The following ZPLD1 variants were observed in gnomAD, a reference collection of about 807,000 sequenced individuals.
ZPLD1 encodes the protein zona pellucida-like domain-containing protein 1.
In ZPLD1, 34 loss-of-function variants were observed where a neutral mutation model predicts 47.2. The observed-to-expected ratio is 0.72, with a 90% confidence interval of 0.55 to 0.96. ZPLD1 has a LOEUF of 0.96. Ranked by LOEUF, ZPLD1 falls within the 40% of genes least tolerant of loss-of-function variation. ZPLD1 has a pLI of 0.00. For synonymous variants in ZPLD1, 176 were observed against 186.2 expected (o/e 0.95, Z 0.45); for missense variants, 512 against 505.8 (o/e 1.01, Z -0.12).
chr3:102,437,945 A>G (rs1707116053), intron 2 of ZPLD1, among the ~76,000 whole-genome samples: 1 of 152,226 alleles, frequency 6.6e-6, no homozygotes, highest in Non-Finnish European at 1.5e-5. Context: ...TTGATTTTGA[A>G]AAGTTGCAGT....
chr3:102,417,009 T>A (rs1351631402), intron 7 of ZPLD1, among the ~76,000 whole-genome samples: 1 of 151,812 alleles, frequency 6.6e-6, no homozygotes, highest in African/African-American at 2.4e-5. Context: ...GTCCAGGGGG[T>A]TGACTAGAAA....
At chr3:102,441,039 G>GCTAA (rs1382868679) in intron 3 of ZPLD1, among the ~76,000 whole-genome samples, 3 of 152,160 alleles carry the variant, frequency 2.0e-5, no homozygotes, top group Admixed American at 2.0e-4. Context: ...GATGCTAATT[G>GCTAA]TGTTCAGTCC....
intron 8 of ZPLD1, among the ~76,000 whole-genome samples, chr3:102,429,891 G>A (rs560638375): frequency 9.9e-5 from 15 of 152,276 alleles, no homozygotes; most frequent in African/African-American, 3.6e-4. Context: ...TATAGTCCTA[G>A]TTTCTGAGAA....
At chr3:102,443,593 C>T (rs1293976768) in intron 3 of ZPLD1, among the ~76,000 whole-genome samples, 2 of 152,012 alleles carry the variant, frequency 1.3e-5, no homozygotes, top group Non-Finnish European at 2.9e-5. Context: ...CTTTTCAAGA[C>T]CTGCTTGACT....
chr3:102,456,483 T>C, intron 5 of ZPLD1, 109 bp downstream of exon 5: 1 of 946,332 alleles, frequency 1.1e-6, no homozygotes, highest in Non-Finnish European at 1.6e-6. Flanking sequence ...ATAGTTAAAT[T>C]CAAACAATGT....
intron 6 of ZPLD1, among the ~76,000 whole-genome samples, chr3:102,389,217 C>T (rs1399690538): frequency 6.6e-6 from 1 of 152,176 alleles, no homozygotes; most frequent in East Asian, 1.9e-4. Context: ...AGTGCTACTA[C>T]TTGTTTCAAC....
At chr3:102,465,302 GAGTCCATAC>G (rs1707573694) in intron 8 of ZPLD1, among the ~76,000 whole-genome samples, 1 of 152,146 alleles carries the variant, frequency 6.6e-6, no homozygotes, top group Non-Finnish European at 1.5e-5. Flanking sequence ...AGTAAGTTGA[GAGTCCATAC>G]AGGCACTACA....
At chr3:102,461,766 C>T (rs1383928967) in intron 6 of ZPLD1, among the ~76,000 whole-genome samples, 4 of 151,930 alleles carry the variant, frequency 2.6e-5, no homozygotes, top group African/African-American at 9.7e-5. Flanking sequence ...AATGGTCTTA[C>T]TTTGGTTTTC....
chr3:102,397,036 A>G (rs1215932801), intron 7 of ZPLD1, among the ~76,000 whole-genome samples: 1 of 152,132 alleles, frequency 6.6e-6, no homozygotes, highest in Non-Finnish European at 1.5e-5. Context: ...CAGGCACACA[A>G]TAAATTCTAC....
At chr3:102,388,081 C>T (rs1001172875) in intron 6 of ZPLD1, among the ~76,000 whole-genome samples, 4 of 151,902 alleles carry the variant, frequency 2.6e-5, no homozygotes, top group African/African-American at 7.3e-5. Context: ...AGGATGGTCT[C>T]GATTTCCTGA....
At position 102,392,583 on chromosome 3, in the gene ZPLD1, CCTTCTTT is replaced by C. The variant is rs372903581; in HGVS notation, c.-157+365_-157+371del. ...CCTTCCTCCTTCCTCCTTCCCCCTT[CCTTCTTT>C]CTTCTTCTTCTGCCATCAGTTCCCC... On this transcript the variant is annotated intron_variant, in intron 7 of 17. Coordinates refer to the ZPLD1 transcript ENST00000491959. Among the ~76,000 whole-genome samples the C allele has an allele frequency of 6.4e-3, 963 of 149,854 alleles. 14 individuals are homozygous for C. Among genetic ancestry groups the C allele is most frequent in the African/African-American group, 0.022 (913 of 40,794 alleles).
chr3:102,438,392 G>C, intron 2 of ZPLD1, 88 bp from the exon 3 acceptor site: 1 of 871,842 alleles, frequency 1.1e-6, no homozygotes. Context: ...TTATCCAACA[G>C]TGAGCTGAGA....
At chr3:102,445,590 C>T (rs1707244578) in intron 3 of ZPLD1, among the ~76,000 whole-genome samples, 1 of 152,104 alleles carries the variant, frequency 6.6e-6, no homozygotes, top group Admixed American at 6.5e-5. Flanking sequence ...AAACTCAGGC[C>T]CCAGCTCAGA....
chr3:102,448,906 T>TG (rs1707296870), intron 3 of ZPLD1, among the ~76,000 whole-genome samples: 2 of 152,190 alleles, frequency 1.3e-5, no homozygotes. Context: ...TATCAAGGAG[T>TG]GCAATGATAC....
chr3:102,434,036 T>C (rs904608152), upstream of ZPLD1, among the ~76,000 whole-genome samples: 2 of 152,224 alleles, frequency 1.3e-5, no homozygotes, highest in Non-Finnish European at 2.9e-5. Context: ...GAGAATAATG[T>C]AATAATTCCA....
chr3:102,476,629 AG>A (rs1707761753), intron 10 of ZPLD1, among the ~76,000 whole-genome samples: 1 of 152,190 alleles, frequency 6.6e-6, no homozygotes, highest in African/African-American at 2.4e-5. Flanking sequence ...AGCAGGTTAT[AG>A]GGCCATAAAA....
At chr3:102,407,440 T>TATATATATAC (rs1559742255) in intron 7 of ZPLD1, among the ~76,000 whole-genome samples, 1 of 96,432 alleles carries the variant, frequency 1.0e-5, no homozygotes, top group African/African-American at 4.2e-5. Flanking sequence ...TATATATATA[T>TATATATATAC]ATACACACAT....
intron 8 of ZPLD1, among the ~76,000 whole-genome samples, chr3:102,425,269 G>A (rs1706930180): frequency 6.6e-6 from 1 of 152,066 alleles, no homozygotes; most frequent in African/African-American, 2.4e-5. Context: ...TTTGGGTAGA[G>A]ACAGTTTTGC....
At chr3:102,393,219 A>G (rs1706518646) in intron 7 of ZPLD1, among the ~76,000 whole-genome samples, 1 of 152,154 alleles carries the variant, frequency 6.6e-6, no homozygotes, top group Non-Finnish European at 1.5e-5. Context: ...AGGTGACTGA[A>G]TTGGTTAAAT....
Sources: allele counts gnomAD v4.1 joint callset (sites outside exome capture counted in the v4.1 genomes callset), GRCh38; gene constraint gnomAD v4.1.1; transcripts MANE v1.5; gene names NCBI Gene and HGNC (gene_info 2026-07-23, HGNC 2026-07-21).